The following ASIC2 variants were observed in gnomAD, a reference collection of about 807,000 sequenced individuals.
ASIC2 encodes acid sensing ion channel subunit 2.
A neutral mutation model predicts 57.3 loss-of-function variants in ASIC2; 25 were observed. That is an observed-to-expected ratio of 0.44 (90% confidence interval 0.32 to 0.61). The LOEUF is 0.61. Among genes scored for constraint, ASIC2 ranks in the 20% least tolerant of loss-of-function variants. The pLI, the probability that ASIC2 is intolerant of heterozygous loss-of-function variation, is 0.06. For missense variants in ASIC2, 641 were observed against 738.1 expected, an observed-to-expected ratio of 0.87 and a Z score of 1.52; for synonymous variants, 319 against 307.5, an observed-to-expected ratio of 1.04 and a Z score of -0.39.
chr17:34,021,832 GTTTTGTTTTTT>G (rs1400993246), intron 1 of ASIC2, among the ~76,000 whole-genome samples: 18 of 121,420 alleles, frequency 1.5e-4, no homozygotes, highest in African/African-American at 7.2e-4. Flanking sequence ...TTTGTGTTTT[GTTTTGTTTTTT>G]TTTTTTTTTT....
chr17:33,337,759 T>G (rs1215764336), intron 1 of ASIC2, among the ~76,000 whole-genome samples: 2 of 124,400 alleles, frequency 1.6e-5, no homozygotes, highest in Non-Finnish European at 3.4e-5. Flanking sequence ...AAAGAAAATG[T>G]AAGTGTTCCT....
At chr17:34,048,813 T>C (rs551752329) in intron 1 of ASIC2, among the ~76,000 whole-genome samples, 71 of 152,334 alleles carry the variant, frequency 4.7e-4, no homozygotes, top group African/African-American at 1.6e-3. Context: ...GTGGGAACTA[T>C]AGACCAGCAA....
At chr17:33,799,474 C>CT (rs1567719214) in intron 1 of ASIC2, among the ~76,000 whole-genome samples, 1 of 131,320 alleles carries the variant, frequency 7.6e-6, no homozygotes, top group Non-Finnish European at 1.6e-5. Context: ...TTCTTTCTTT[C>CT]TTTCCTTCTT....
chr17:34,145,802 T>A (rs911197211), intron 1 of ASIC2, among the ~76,000 whole-genome samples: 5 of 152,216 alleles, frequency 3.3e-5, no homozygotes, highest in Non-Finnish European at 5.9e-5. Flanking sequence ...GAGCATCACC[T>A]CTGGTCAGCC....
At chr17:33,627,562 T>C (rs1442885034) in intron 1 of ASIC2, among the ~76,000 whole-genome samples, 3 of 152,108 alleles carry the variant, frequency 2.0e-5, no homozygotes, top group Non-Finnish European at 2.9e-5. Context: ...CTTGGGGCGG[T>C]GGTAGCAGGT....
intron 3 of ASIC2, among the ~76,000 whole-genome samples, chr17:33,050,586 G>A (rs188380074): frequency 1.2e-4 from 19 of 152,310 alleles, no homozygotes; most frequent in Admixed American, 3.3e-4. Context: ...AAAATGCTCA[G>A]ATGTCTTTCC....
chr17:33,971,339 A>C (rs1176257985), intron 1 of ASIC2, among the ~76,000 whole-genome samples: 1 of 152,164 alleles, frequency 6.6e-6, no homozygotes, highest in African/African-American at 2.4e-5. Context: ...CCCCTGCTGC[A>C]ACCTTCAGAA....
intron 1 of ASIC2, among the ~76,000 whole-genome samples, chr17:34,102,034 G>C (rs1282016073): frequency 6.6e-6 from 1 of 152,206 alleles, no homozygotes; most frequent in Non-Finnish European, 1.5e-5. Flanking sequence ...ATACAGCCAG[G>C]TGTGGTGGTT....
chr17:34,073,144 A>G (rs1909486454), intron 1 of ASIC2, among the ~76,000 whole-genome samples: 1 of 152,208 alleles, frequency 6.6e-6, no homozygotes, highest in Admixed American at 6.5e-5. Flanking sequence ...TTTTCTATAA[A>G]GAGTCATATT....
chr17:33,370,303 A>G (rs527685275), intron 1 of ASIC2, among the ~76,000 whole-genome samples: 2 of 152,292 alleles, frequency 1.3e-5, no homozygotes, highest in East Asian at 3.9e-4. Flanking sequence ...ATCAAAGAAC[A>G]CCACCCCCAA....
intron 1 of ASIC2, chr17:34,038,411 T>C: frequency 6.2e-7 from 1 of 1,612,200 alleles, no homozygotes; most frequent in Non-Finnish European, 8.5e-7. Flanking sequence ...CCTACATGCA[T>C]GCTTGTGGTA....
intron 1 of ASIC2, among the ~76,000 whole-genome samples, chr17:33,502,110 G>T (rs1385969041): frequency 2.0e-5 from 3 of 152,172 alleles, no homozygotes; most frequent in Non-Finnish European, 4.4e-5. Context: ...AGATCTAGGG[G>T]GAAGGGGTGG....
chr17:33,596,321 A>G (rs1379591912), intron 1 of ASIC2, among the ~76,000 whole-genome samples: 2 of 152,224 alleles, frequency 1.3e-5, no homozygotes, highest in Non-Finnish European at 2.9e-5. Flanking sequence ...CCAAACAGTT[A>G]TTCGTATTTA....
chr17:33,135,871 G>C (rs1445013734), intron 1 of ASIC2, among the ~76,000 whole-genome samples: 2 of 152,230 alleles, frequency 1.3e-5, no homozygotes, highest in Non-Finnish European at 2.9e-5. Flanking sequence ...CTCCAAGCCA[G>C]TGAGCTGGAA....
intron 1 of ASIC2, among the ~76,000 whole-genome samples, chr17:34,050,518 G>A (rs984453858): frequency 3.3e-5 from 5 of 152,168 alleles, no homozygotes; most frequent in Non-Finnish European, 7.3e-5. Flanking sequence ...TCAAAGATCA[G>A]GGTCCTGTGA....
chr17:33,524,009 G>A (rs1439254060), intron 1 of ASIC2, among the ~76,000 whole-genome samples: 1 of 152,134 alleles, frequency 6.6e-6, no homozygotes, highest in Non-Finnish European at 1.5e-5. Flanking sequence ...CATACACTCA[G>A]GGGTCAGCCT....
chr17:33,642,721 A>T (rs1340186923), intron 1 of ASIC2, among the ~76,000 whole-genome samples: 1 of 152,174 alleles, frequency 6.6e-6, no homozygotes, highest in African/African-American at 2.4e-5. Flanking sequence ...GGGAAATATC[A>T]ACTCCCTCAA....
In ASIC2 at chr17:34,156,254, G is replaced by T; in HGVS notation, c.279C>A (p.Asn93Lys). The change falls in exon 1 of 10, where the codon AAC (asparagine) becomes AAA (lysine). Residue 93 changes from asparagine (N) to lysine (K), a missense_variant. Transcript: ENST00000359872. The surrounding 1 kb of genome is among the most constrained non-coding windows in gnomAD (Gnocchi z 4.4). The stretch of plus-strand genomic sequence containing the variant: ...GCCTGGAGAACCGGAAGCCATTCAG[G>T]TTACAGAGGGTCACAGCTGGGAAGA... 1.2e-6 allele frequency: 2 copies of T among 1,614,158 alleles called. No homozygotes were observed. Among genetic ancestry groups the T allele is most frequent in the Non-Finnish European group, 1.7e-6 (2 of 1,180,030 alleles).
At chr17:33,152,300 C>G (rs1163362991) in intron 1 of ASIC2, among the ~76,000 whole-genome samples, 1 of 152,130 alleles carries the variant, frequency 6.6e-6, no homozygotes, top group African/African-American at 2.4e-5. Flanking sequence ...GGAGCCCACA[C>G]TTCTACAAAG....
Sources: allele counts gnomAD v4.1 joint callset (sites outside exome capture counted in the v4.1 genomes callset), GRCh38; gene constraint gnomAD v4.1.1; non-coding constraint Gnocchi (gnomAD v3.1); transcripts MANE v1.5; gene names NCBI Gene and HGNC (gene_info 2026-07-23, HGNC 2026-07-21).